BPIFB3: variants seen among roughly 807,000 people sequenced by gnomAD.
BPIFB3 encodes BPI fold-containing family B member 3.
In BPIFB3, 49 loss-of-function variants were observed where a neutral mutation model predicts 53.1. The ratio of observed to expected loss-of-function variants is 0.92; its 90% CI spans 0.73 to 1.17. BPIFB3 has a LOEUF of 1.17. BPIFB3 is among the 50% of genes most tolerant of loss of function. The probability of loss-of-function intolerance (pLI) is 0.00; values close to 1 mark genes in which losing one functional copy is unlikely to be tolerated. For synonymous variants in BPIFB3, 271 were observed against 269.6 expected (o/e 1.01, Z -0.05); for missense variants, 628 against 592.5 (o/e 1.06, Z -0.62).
At chr20:33,063,669 G>C in exon 6 of BPIFB3, 1 of 1,613,824 alleles carries the variant, frequency 6.2e-7, no homozygotes, top group Non-Finnish European at 8.5e-7. Context: ...CCTGGGGGCT[G>C]TGCTGGGTAA....
chr20:33,070,519 C>G (rs1362074696), intron 11 of BPIFB3, among the ~76,000 whole-genome samples: 1 of 152,234 alleles, frequency 6.6e-6, no homozygotes, highest in Non-Finnish European at 1.5e-5. Context: ...GGCCCAGGCT[C>G]ACACGGCAGG....
chr20:33,068,423 C>T (rs532279304), intron 9 of BPIFB3, among the ~76,000 whole-genome samples: 7 of 152,270 alleles, frequency 4.6e-5, no homozygotes, highest in South Asian at 2.1e-4. Flanking sequence ...AAGGCCCTGG[C>T]GCCTGCTGGG....
intron 4 of BPIFB3, among the ~76,000 whole-genome samples, chr20:33,060,329 C>T (rs1232669328): frequency 2.6e-5 from 4 of 152,196 alleles, no homozygotes; most frequent in African/African-American, 7.2e-5. Flanking sequence ...CAGCTGGGAT[C>T]CCTCCATTTG....
At chr20:33,064,739 A>G (rs1312902095) in exon 8 of BPIFB3, 2 of 1,614,006 alleles carry the variant, frequency 1.2e-6, no homozygotes, top group East Asian at 2.2e-5. Context: ...GTGCCCCCCA[A>G]GAAGGACCAC....
chr20:33,059,765 T>G (rs957812093), intron 3 of BPIFB3, 126 bp from the exon 5 acceptor site: 2 of 1,364,984 alleles, frequency 1.5e-6, no homozygotes, highest in East Asian at 5.0e-5. Context: ...AAGTGCAAAA[T>G]GGGGCAGGGA....
chr20:33,064,472 G>A, exon 7 of BPIFB3: 4 of 1,614,030 alleles, frequency 2.5e-6, no homozygotes, highest in Middle Eastern at 1.6e-4. Flanking sequence ...GTGTCCCTTG[G>A]GGCTCTTGGG....
chr20:33,058,316 G>C (rs548275162), intron 2 of BPIFB3, among the ~76,000 whole-genome samples: 1 of 152,170 alleles, frequency 6.6e-6, no homozygotes, highest in African/African-American at 2.4e-5. Context: ...GATGTTGCTC[G>C]AGGTTCGCTG....
chr20:33,059,836 G>A, intron 3 of BPIFB3, 55 bp from the exon 5 acceptor site: 1 of 1,590,632 alleles, frequency 6.3e-7, no homozygotes, highest in South Asian at 1.1e-5. Context: ...CTGGTGGGCG[G>A]GGCCAAGGGT....
At chr20:33,069,776 C>T (rs1185313841) in intron 10 of BPIFB3, 112 bp from the exon 12 acceptor site, 3 of 1,065,684 alleles carry the variant, frequency 2.8e-6, no homozygotes, top group Non-Finnish European at 4.4e-6. Context: ...GACCCTGACA[C>T]ACAGTAGGGC....
At chr20:33,062,408 C>T (rs904311801) in intron 5 of BPIFB3, among the ~76,000 whole-genome samples, 1 of 152,190 alleles carries the variant, frequency 6.6e-6, no homozygotes, top group Admixed American at 6.5e-5. Flanking sequence ...CTAGCTGGCT[C>T]TCCCTGTGCA....
chr20:33,060,564 CTT>C (rs1386100464), intron 4 of BPIFB3, among the ~76,000 whole-genome samples: 1 of 151,882 alleles, frequency 6.6e-6, no homozygotes, highest in African/African-American at 2.4e-5. Context: ...TCACTTTTTT[CTT>C]TTTCTTTTTC....
chr20:33,070,784 G>A (rs1205578493), intron 11 of BPIFB3, among the ~76,000 whole-genome samples: 5 of 152,234 alleles, frequency 3.3e-5, no homozygotes, highest in African/African-American at 1.2e-4. Context: ...CTGCCTGGGT[G>A]CACCTCCACT....
chr20:33,066,751 C>T, intron 8 of BPIFB3, 73 bp from the exon 10 acceptor site: 1 of 1,466,400 alleles, frequency 6.8e-7, no homozygotes, highest in Non-Finnish European at 9.6e-7. Context: ...GTGAACGAAA[C>T]TGCTCTGAGT....
chr20:33,055,214 C>T (rs1980139662), upstream of BPIFB3, among the ~76,000 whole-genome samples: 1 of 152,210 alleles, frequency 6.6e-6, no homozygotes, highest in Non-Finnish European at 1.5e-5. Context: ...TGGAAAGTGC[C>T]TTGGAGACTT....
chr20:33,069,601 C>T (rs1980802532), intron 10 of BPIFB3, among the ~76,000 whole-genome samples: 1 of 152,222 alleles, frequency 6.6e-6, no homozygotes, highest in South Asian at 2.1e-4. Context: ...ACTGGAAAGG[C>T]CTTCCCTCAC....
chr20:33,059,260 T>C, intron 2 of BPIFB3, 118 bp from the exon 4 acceptor site: 1 of 678,262 alleles, frequency 1.5e-6, no homozygotes, highest in Admixed American at 2.3e-5. Context: ...GGCCAAGGGC[T>C]CGCAGCTGGC....
At chr20:33,056,610 C>A in exon 2 of BPIFB3, 1 of 1,613,880 alleles carries the variant, frequency 6.2e-7, no homozygotes, top group African/African-American at 1.3e-5. Flanking sequence ...AGCTGTGAAC[C>A]GGGGCCTCTT....
intron 1 of BPIFB3, 74 bp from the exon 3 acceptor site, chr20:33,056,468 A>T (rs1330970036): frequency 8.4e-6 from 13 of 1,545,346 alleles, no homozygotes; most frequent in Non-Finnish European, 1.2e-5. Context: ...ATCTCAGAGG[A>T]AGGAGGCAGC....
chr20:33,072,791 G>C, exon 14 of BPIFB3: 5 of 1,612,224 alleles, frequency 3.1e-6, no homozygotes, highest in Non-Finnish European at 4.2e-6. Flanking sequence ...GGAGATCGTA[G>C]AGGTGAGCCT....
Sources: allele counts gnomAD v4.1 joint callset (sites outside exome capture counted in the v4.1 genomes callset), GRCh38; gene constraint gnomAD v4.1.1; transcripts MANE v1.5; gene names NCBI Gene and HGNC (gene_info 2026-07-23, HGNC 2026-07-21).